The following CRAMP1 variants were observed in gnomAD, a reference collection of about 807,000 sequenced individuals.
CRAMP1 encodes the protein protein cramped-like.
CRAMP1 carries 50 observed loss-of-function variants against 115.4 expected under a neutral mutation model. That is an observed-to-expected ratio of 0.43 (90% CI 0.35 to 0.55). The LOEUF (loss-of-function observed/expected upper bound fraction) is 0.55, where lower values mean the gene tolerates loss of function less well. CRAMP1 is among the 20% of genes least tolerant of loss of function. CRAMP1 has a pLI of 0.01. For synonymous variants in CRAMP1, 866 were observed against 745.4 expected, an observed-to-expected ratio of 1.16 and a Z score of -2.64; for missense variants, 1,679 against 1,721.7, an observed-to-expected ratio of 0.98 and a Z score of 0.44.
Position 1,653,229 on chromosome 16 carries a change from C to T in CRAMP1, c.1037+73C>T. The T allele has an allele frequency of 3.3e-6, 5 of 1,527,666 alleles. No homozygotes were observed. In the Admixed American group the frequency reaches 9.8e-5, roughly 30 times the overall value. The allele number at this position is 1,527,666 out of a possible 1,614,324, so 94.6% of individuals were successfully genotyped here. ...ACTGGAAGCAACGTGTGTGAGTTTC[C>T]CTCAAGGAACTTCCAGGAGAAGCAG... is the stretch of plus-strand genomic sequence containing the variant. On this transcript the variant is annotated intron_variant, in intron 8 of 20. Coordinates refer to ENST00000397412, the MANE Select transcript of CRAMP1 (RefSeq NM_020825.4).
In CRAMP1 at chr16:1,666,157, A is replaced by G. The variant is rs777790907; in HGVS notation, c.2837A>G (p.Gln946Arg). 1 of 1,607,966 alleles carries G rather than the reference A, an allele frequency of 6.2e-7. No individual in the cohort carries two copies. The highest frequency in any genetic ancestry group is 2.2e-5 in the East Asian group (1 of 44,670). The change falls in exon 15 of 21, where the codon CAG becomes CGG. Residue 946 changes from glutamine (Q) to arginine (R), a missense_variant. Transcript: ENST00000397412. This position sits in a 1 kb window ranked among gnomAD's most constrained non-coding sequence, Gnocchi z 5.0. ...ATCGTGCCCAAGGTCCTTCCACCCCAGGCCACGAGTCACCTGGCCAGTAAG... is the reference window on the plus strand; with the variant it reads ...ATCGTGCCCAAGGTCCTTCCACCCCGGGCCACGAGTCACCTGGCCAGTAAG... ...RPIVPKVLPPQATSHLASAID... is the reference protein window; with the variant it reads ...RPIVPKVLPPRATSHLASAID...
chr16:1,641,859 G>T (rs1454260400), intron 6 of CRAMP1, among the ~76,000 whole-genome samples: 2 of 151,724 alleles, frequency 1.3e-5, no homozygotes, highest in Non-Finnish European at 1.5e-5. Flanking sequence ...CGCAGCCTGG[G>T]GGTCTCCACT....
At chr16:1,667,270 C>A in intron 16 of CRAMP1, 65 bp from the exon 17 acceptor site, 1 of 1,318,914 alleles carries the variant, frequency 7.6e-7, no homozygotes, top group Non-Finnish European at 1.1e-6. Context: ...AACTCTGTCG[C>A]GGGTGAGGGT....
chr16:1,624,077 A>T (rs915462313), intron 2 of CRAMP1, among the ~76,000 whole-genome samples: 15 of 151,480 alleles, frequency 9.9e-5, no homozygotes, highest in African/African-American at 3.2e-4. Context: ...CTCTGCAACG[A>T]TGGCCGCATG....
In CRAMP1 at chr16:1,662,670, G is replaced by C. The variant is rs771350552; in HGVS notation, c.2594G>C (p.Ser865Thr). 3.7e-6 allele frequency: 6 copies of C among 1,613,900 alleles called. No homozygotes were observed. Among genetic ancestry groups the C allele is most frequent in the Non-Finnish European group, 4.2e-6 (5 of 1,179,906 alleles). The change falls in exon 12 of 21, where the codon AGT becomes ACT. Residue 865 changes from serine to threonine, a missense_variant and splice_region_variant. This residue lies in a region of CRAMP1 where 709 missense variants were observed against 741.9 expected (regional missense o/e 0.96). Coordinates refer to ENST00000397412, the MANE Select transcript of CRAMP1 (RefSeq NM_020825.4). Reference sequence around the variant, plus strand: ...TTCCGCCAGCATCTGAACTCCATCAGTGTGAGTGTGTGGGGCCGGGCCGCC... The same window carrying C: ...TTCCGCCAGCATCTGAACTCCATCACTGTGAGTGTGTGGGGCCGGGCCGCC... Reference protein sequence around the residue: ...LTFRQHLNSISMQSDFFLPKP... With the variant: ...LTFRQHLNSITMQSDFFLPKP...
rs759907049 is a variant in CRAMP1, at chr16:1,653,204, A to G, written c.1037+48A>G. 10 of 1,580,006 alleles carry G rather than the reference A, an allele frequency of 6.3e-6. No homozygotes were observed. The Admixed American group carries it at 1.8e-4, about 29-fold the overall frequency. ...GAGGGGTCCCAACTGCTTGAGCAGG[A>G]CTGGAAGCAACGTGTGTGAGTTTCC... On this transcript the variant is annotated intron_variant, in intron 8 of 20. Coordinates refer to ENST00000397412, the MANE Select transcript of CRAMP1 (RefSeq NM_020825.4).
At chr16:1,648,759 T>C (rs956510431) in intron 6 of CRAMP1, among the ~76,000 whole-genome samples, 2 of 152,002 alleles carry the variant, frequency 1.3e-5, no homozygotes, top group Non-Finnish European at 2.9e-5. Flanking sequence ...GTTAAGGTGG[T>C]TTAAGAATTT....
Position 1,618,603 on chromosome 16 carries a change from G to A in CRAMP1, c.346+3618G>A, listed in dbSNP as rs185257833. Among the ~76,000 whole-genome samples the A allele has an allele frequency of 3.9e-5, 6 of 152,088 alleles. No individual in the cohort carries two copies. The East Asian group carries it at 1.2e-3, about 29-fold the overall frequency. ...GGAAATGCACCATCTCCAGAATAGGGTAATGTAGTCTGAAGTGACAGTCGT... is the reference window on the plus strand; with the variant it reads ...GGAAATGCACCATCTCCAGAATAGGATAATGTAGTCTGAAGTGACAGTCGT... On this transcript the variant is annotated intron_variant, in intron 2 of 20. Transcript: ENST00000397412.
chr16:1,632,312 A>G lies in CRAMP1; in HGVS notation c.641A>G (p.His214Arg). ...GTGAAGAACAAGGAGCAGGTCCGCC[A>G]CTTCTACTACCGCACCTGGCACAAG... is the stretch of plus-strand genomic sequence containing the variant. ...SMVKNKEQVRHFYYRTWHKIT... is the reference protein window; with the variant it reads ...SMVKNKEQVRRFYYRTWHKIT... Residue 214 changes from histidine (H) to arginine (R), a missense_variant, in exon 4 of 21, where the codon CAC becomes CGC. This residue lies in a region of CRAMP1 where 44 missense variants were observed against 92.4 expected (regional missense o/e 0.48). Coordinates refer to ENST00000397412, the MANE Select transcript of CRAMP1 (RefSeq NM_020825.4). 1 of 1,601,452 alleles carries G rather than the reference A, an allele frequency of 6.2e-7. No individual in the cohort carries two copies. Among genetic ancestry groups the G allele is most frequent in the Non-Finnish European group, 8.5e-7 (1 of 1,174,450 alleles).
rs1349005336 is a variant in CRAMP1, at chr16:1,659,994, T to C, written c.2344T>C (p.Cys782Arg). ...VVTVSSRSPRCPRNQASLRSS... is the reference protein window; with the variant it reads ...VVTVSSRSPRRPRNQASLRSS... ...GACCGTCAGCTCTCGCAGCCCCCGC[T>C]GCCCTCGGAACCAGGCCTCCCTCCG... Residue 782 changes from cysteine to arginine, a missense_variant, in exon 11 of 21, where the codon TGC becomes CGC. Cys to Arg is a radical substitution (Grantham distance 180). Around this residue, in one of 8 missense-constraint regions of CRAMP1, gnomAD observed 709 missense variants for 741.9 expected, o/e 0.96. Coordinates refer to ENST00000397412, the MANE Select transcript of CRAMP1 (RefSeq NM_020825.4). 10 of 1,605,624 alleles carry C rather than the reference T, an allele frequency of 6.2e-6. No individual in the cohort carries two copies. Among genetic ancestry groups the C allele is most frequent in the Non-Finnish European group, 8.5e-6 (10 of 1,179,780 alleles).
At position 1,641,199 on chromosome 16, in the gene CRAMP1, T is replaced by G; in HGVS notation, c.827+12T>G. On this transcript the variant is annotated intron_variant, in intron 6 of 20. Transcript: ENST00000397412. ...CTCATTCAGGTTGGGTAAGTCCCAG[T>G]TTCCATGTGAAACATCACTTCTCTG... The G allele has an allele frequency of 6.3e-7, 1 of 1,596,486 alleles. No individual in the cohort carries two copies. The highest frequency in any genetic ancestry group is 8.6e-7 in the Non-Finnish European group (1 of 1,164,226).
At chr16:1,617,191 G>A (rs1369721925) in intron 2 of CRAMP1, among the ~76,000 whole-genome samples, 2 of 152,190 alleles carry the variant, frequency 1.3e-5, no homozygotes, top group African/African-American at 2.4e-5. Context: ...AGAGGAGTAG[G>A]AAGTGGGTCT....
At position 1,632,198 on chromosome 16, in the gene CRAMP1, A is replaced by G. The variant is rs749265867; in HGVS notation, c.541-14A>G. The G allele has an allele frequency of 1.3e-6, 2 of 1,551,914 alleles. No individual in the cohort carries two copies. Among genetic ancestry groups the G allele is most frequent in the South Asian group, 2.4e-5 (2 of 83,990 alleles). On this transcript the variant is annotated splice_polypyrimidine_tract_variant and intron_variant, in intron 3 of 20. Transcript: ENST00000397412. ...TTTAACCCCTCTACATTTATCATGG[A>G]ATTTATTTTCCAGCATGGGAAAGAC...
chr16:1,658,527 G>C (rs2036795740), intron 10 of CRAMP1, among the ~76,000 whole-genome samples: 1 of 152,116 alleles, frequency 6.6e-6, no homozygotes, highest in African/African-American at 2.4e-5. Flanking sequence ...GAGCTAGTTA[G>C]GGAGGCTGAC....
At chr16:1,638,708 C>T (rs960584494) in intron 5 of CRAMP1, among the ~76,000 whole-genome samples, 31 of 152,170 alleles carry the variant, frequency 2.0e-4, no homozygotes, top group African/African-American at 7.0e-4. Context: ...TGCACGACCA[C>T]GCCAGCTAGC....
chr16:1,660,531 C>T (rs916118129), intron 11 of CRAMP1, among the ~76,000 whole-genome samples: 1 of 152,202 alleles, frequency 6.6e-6, no homozygotes, highest in African/African-American at 2.4e-5. Context: ...CAGTCTACCC[C>T]AGCTGCGTAT....
At chr16:1,663,402 G>C (rs2036849088) in intron 13 of CRAMP1, among the ~76,000 whole-genome samples, 1 of 152,190 alleles carries the variant, frequency 6.6e-6, no homozygotes, top group African/African-American at 2.4e-5. Flanking sequence ...TAGACTCTTA[G>C]AAATCTCTTT....
rs543007097 is a variant in CRAMP1, at chr16:1,667,271, G to A, written c.3037-64G>A. ...GCCTCTTTTTCTGGAACTCTGTCGCGGGTGAGGGTATGGGTGGCATCTGGT... is the reference window on the plus strand; with the variant it reads ...GCCTCTTTTTCTGGAACTCTGTCGCAGGTGAGGGTATGGGTGGCATCTGGT... On this transcript the variant is annotated intron_variant, in intron 16 of 20. Transcript: ENST00000397412. 1.2e-5 allele frequency: 16 copies of A among 1,325,748 alleles called. 1 individual carries two copies. Among genetic ancestry groups the A allele is most frequent in the Admixed American group, 3.4e-5 (2 of 59,220 alleles). 82.1% of individuals were successfully genotyped at this position (1,325,748 alleles called of 1,614,324 possible).
chr16:1,666,374 A>T lies in CRAMP1; in HGVS notation c.2858-48A>T, dbSNP rs772386081. On this transcript the variant is annotated intron_variant, in intron 15 of 20. Coordinates refer to ENST00000397412, the MANE Select transcript of CRAMP1 (RefSeq NM_020825.4). This position sits in a 1 kb window ranked among gnomAD's most constrained non-coding sequence, Gnocchi z 5.0. ...TCCCCGAGCCCTCTTGGGACATCTT[A>T]TGGGTTGTCAGTAGAGCAGAGATGT... 4 of 1,563,864 alleles carry T rather than the reference A, an allele frequency of 2.6e-6. No homozygotes were observed. The Admixed American group carries it at 7.3e-5, about 29-fold the overall frequency.
Sources: allele counts gnomAD v4.1 joint callset (sites outside exome capture counted in the v4.1 genomes callset), GRCh38; gene constraint gnomAD v4.1.1; regional missense constraint gnomAD v4.1.1; non-coding constraint Gnocchi (gnomAD v3.1); transcripts MANE v1.5; gene names NCBI Gene and HGNC (gene_info 2026-07-23, HGNC 2026-07-21).